The following DYNC2H1 variants were observed in gnomAD, a reference collection of about 807,000 sequenced individuals.
The protein encoded by DYNC2H1 is cytoplasmic dynein 2 heavy chain 1.
Under a neutral mutation model 570.0 loss-of-function variants are expected in DYNC2H1, and 410 were observed. The observed-to-expected ratio is 0.72, with a 90% confidence interval of 0.66 to 0.78. The LOEUF is 0.78. Ranked by LOEUF, DYNC2H1 falls within the 30% of genes least tolerant of loss-of-function variation. DYNC2H1 has a pLI of 0.00. For missense variants in DYNC2H1, 4,865 were observed against 5,046.4 expected, an observed-to-expected ratio of 0.96 and a Z score of 1.09; for synonymous variants, 1,688 against 1,677.6, an observed-to-expected ratio of 1.01 and a Z score of -0.15.
At chr11:103,200,240 GT>G in intron 50 of DYNC2H1, 86 bp downstream of exon 50, 1 of 1,063,850 alleles carries the variant, frequency 9.4e-7, no homozygotes, top group Non-Finnish European at 1.4e-6. Context: ...AAATTTATTT[GT>G]TTTGGAGAAC....
chr11:103,349,320 AAG>A (rs1300199574), intron 82 of DYNC2H1, among the ~76,000 whole-genome samples: 6 of 152,296 alleles, frequency 3.9e-5, no homozygotes, highest in East Asian at 3.9e-4. Flanking sequence ...TGTATTAGGA[AAG>A]ATGAGGTCTT....
intron 34 of DYNC2H1, 131 bp downstream of exon 34, chr11:103,171,199 T>C: frequency 4.8e-6 from 4 of 840,608 alleles, no homozygotes; most frequent in Non-Finnish European, 4.9e-6. Flanking sequence ...TGTTGTAAGA[T>C]TTTTTTAGCT....
At chr11:103,316,371 T>C (rs559531154) in intron 79 of DYNC2H1, among the ~76,000 whole-genome samples, 174 bp from the exon 80 acceptor site, 14 of 152,168 alleles carry the variant, frequency 9.2e-5, no homozygotes, top group African/African-American at 3.1e-4. Context: ...GCCAGTTAAT[T>C]TTTTTTAAGT....
intron 11 of DYNC2H1, among the ~76,000 whole-genome samples, 160 bp from the exon 12 acceptor site, chr11:103,124,940 A>T (rs1858910860): frequency 6.6e-6 from 1 of 152,172 alleles, no homozygotes; most frequent in African/African-American, 2.4e-5. Flanking sequence ...TTGTGAAATA[A>T]TATATGGAAA....
In DYNC2H1 at chr11:103,192,256, A is replaced by G. The variant is rs772641777; in HGVS notation, c.7700A>G (p.Asn2567Ser). 1.0e-5 allele frequency: 16 copies of G among 1,554,158 alleles called. No individual in the cohort carries two copies. The South Asian group carries it at 1.8e-4, about 17-fold the overall frequency. ...QGDWGSDILD[N>S]MSDSFYVTWG... ...GATTGGGGCTCAGACATATTAGACA[A>G]TATGTCAGGTAAGGTAATAGAGCTT... Residue 2567 changes from asparagine to serine, a missense_variant, in exon 47 of 89, where the codon AAT (asparagine) becomes AGT (serine). By Grantham distance (46) the Asn-to-Ser change is conservative. Coordinates refer to ENST00000375735, the MANE Select transcript of DYNC2H1 (RefSeq NM_001377.3).
At chr11:103,403,464 AG>A (rs1175465745) in intron 84 of DYNC2H1, 2 of 150,770 alleles carry the variant, frequency 1.3e-5, no homozygotes, top group Non-Finnish European at 2.9e-5. Flanking sequence ...TTAACTTAAA[AG>A]GTTAAAGCTA....
In DYNC2H1 at chr11:103,204,051, G is replaced by A. The variant is rs769908061; in HGVS notation, c.8311+275G>A. On this transcript the variant is annotated intron_variant, in intron 51 of 88. Transcript: ENST00000375735. The surrounding 1 kb of genome is among the most constrained non-coding windows in gnomAD (Gnocchi z 4.1). ...TCACAGTTCCCACATGGCTGGGGAG[G>A]CCTCACAATCATGGTGGAAGGGAAG... 3.9e-5 allele frequency among the ~76,000 whole-genome samples: 6 copies of A among 152,082 alleles called. No homozygotes were observed. Among genetic ancestry groups the A allele is most frequent in the South Asian group, 4.2e-4 (2 of 4,810 alleles).
At chr11:103,115,131 T>C in intron 3 of DYNC2H1, 46 bp from the exon 4 acceptor site, 1 of 1,396,880 alleles carries the variant, frequency 7.2e-7, no homozygotes, top group Non-Finnish European at 9.9e-7. Context: ...TCATTTTTTT[T>C]TCTCTGATAT....
chr11:103,149,859 A>G (rs946395118), intron 20 of DYNC2H1, among the ~76,000 whole-genome samples: 1 of 152,036 alleles, frequency 6.6e-6, no homozygotes, highest in Non-Finnish European at 1.5e-5. Context: ...ATGCTCAACT[A>G]GGGGTTATTA....
intron 28 of DYNC2H1, 61 bp from the exon 29 acceptor site, chr11:103,160,871 T>G: frequency 3.4e-6 from 3 of 879,320 alleles, no homozygotes; most frequent in Non-Finnish European, 3.4e-6. Flanking sequence ...GTGACACATA[T>G]TGTATCTAAT....
rs1299110714 is a variant in DYNC2H1, at chr11:103,205,607, A to T, written c.8454+643A>T. Among the ~76,000 whole-genome samples the T allele has an allele frequency of 6.6e-6, 1 of 152,148 alleles. No homozygotes were observed. Among genetic ancestry groups the T allele is most frequent in the Non-Finnish European group, 1.5e-5 (1 of 68,030 alleles). On this transcript the variant is annotated intron_variant, in intron 52 of 88. Transcript: ENST00000375735. The surrounding 1 kb of genome is among the most constrained non-coding windows in gnomAD (Gnocchi z 4.5). ...AGCTTGAGGAGGCCACGTGAATAAG[A>T]GGCATTCATTAAGAAGTAATTATTG...
intron 62 of DYNC2H1, 85 bp from the exon 63 acceptor site, chr11:103,236,345 T>C (rs192579697): frequency 1.2e-6 from 1 of 854,684 alleles, no homozygotes; most frequent in East Asian, 2.6e-5. Flanking sequence ...ATAGGACTTT[T>C]GTTTCGGAAT....
chr11:103,448,569 C>T (rs1944500274), intron 85 of DYNC2H1, among the ~76,000 whole-genome samples: 2 of 152,194 alleles, frequency 1.3e-5, no homozygotes, highest in South Asian at 4.1e-4. Flanking sequence ...GAAGTGTTAT[C>T]CAGCCTACAA....
chr11:103,249,425 C>T lies in DYNC2H1; in HGVS notation c.10043-3860C>T, dbSNP rs1864746596. Among the ~76,000 whole-genome samples the T allele has an allele frequency of 6.6e-6, 1 of 151,948 alleles. No homozygotes were observed. The highest frequency in any genetic ancestry group is 2.4e-5 in the African/African-American group (1 of 41,504). ...TAAATTTATAGCTAATGAATTTTTACAAATTGAATACACCTGTATAAACAC... is the reference window on the plus strand; with the variant it reads ...TAAATTTATAGCTAATGAATTTTTATAAATTGAATACACCTGTATAAACAC... On this transcript the variant is annotated intron_variant, in intron 65 of 88. Transcript: ENST00000375735. This position sits in a 1 kb window ranked among gnomAD's most constrained non-coding sequence, Gnocchi z 4.6.
chr11:103,197,623 T>C (rs1025778886), intron 47 of DYNC2H1, among the ~76,000 whole-genome samples: 1 of 152,186 alleles, frequency 6.6e-6, no homozygotes, highest in East Asian at 1.9e-4. Context: ...AATTTTTAAA[T>C]TTTTTATAGA....
chr11:103,271,218 G>C (rs1443433915), intron 70 of DYNC2H1, among the ~76,000 whole-genome samples: 1 of 152,138 alleles, frequency 6.6e-6, no homozygotes, highest in Non-Finnish European at 1.5e-5. Flanking sequence ...TGGATGTTTA[G>C]AAATTTTATA....
chr11:103,463,273 G>A (rs1206918897), intron 87 of DYNC2H1, among the ~76,000 whole-genome samples: 2 of 152,102 alleles, frequency 1.3e-5, no homozygotes, highest in East Asian at 3.9e-4. Flanking sequence ...ATTATAAGTA[G>A]GGCCGGAAAT....
intron 84 of DYNC2H1, among the ~76,000 whole-genome samples, chr11:103,426,540 A>G (rs542885585): frequency 6.6e-6 from 1 of 152,368 alleles, no homozygotes; most frequent in Admixed American, 6.5e-5. Flanking sequence ...TTTACCCTAT[A>G]CAAGTTTAAA....
intron 75 of DYNC2H1, among the ~76,000 whole-genome samples, chr11:103,295,980 C>T (rs148868502): frequency 1.8e-4 from 28 of 152,248 alleles, no homozygotes; most frequent in Admixed American, 5.2e-4. Context: ...TATTGTGTTC[C>T]GCTCAGTGAC....
Sources: gnomAD v4.1 joint callset for allele counts (sites outside exome capture counted in the v4.1 genomes callset) on GRCh38, gnomAD v4.1.1 for gene constraint, Gnocchi (gnomAD v3.1) non-coding constraint, MANE v1.5 for transcripts, NCBI Gene and HGNC (gene_info 2026-07-23, HGNC 2026-07-21) for gene names.